TMC5: variants seen among roughly 807,000 people sequenced by gnomAD.
TMC5 encodes transmembrane channel-like protein 5.
In TMC5, 86 loss-of-function variants were observed where a neutral mutation model predicts 110.5. The observed-to-expected ratio is 0.78, with a 90% confidence interval of 0.65 to 0.93. The LOEUF is 0.93. Among genes scored for constraint, TMC5 ranks in the 40% least tolerant of loss-of-function variants. The pLI is 0.00. For missense variants in TMC5, 1,144 were observed against 1,222.8 expected, an observed-to-expected ratio of 0.94 and a Z score of 0.96; for synonymous variants, 455 against 439.5, an observed-to-expected ratio of 1.04 and a Z score of -0.44.
chr16:19,475,170 C>T (rs1372194257), intron 12 of TMC5, among the ~76,000 whole-genome samples: 1 of 152,100 alleles, frequency 6.6e-6, no homozygotes, highest in Admixed American at 6.5e-5. Context: ...GCCTGTAATC[C>T]CAGCACTTTG....
At chr16:19,490,869 T>TCTTCCTTC (rs554810973) in intron 18 of TMC5, among the ~76,000 whole-genome samples, 2 of 109,096 alleles carry the variant, frequency 1.8e-5, no homozygotes, top group East Asian at 2.5e-4. Flanking sequence ...CTTCATTTTT[T>TCTTCCTTC]CTTCCTTCCT....
intron 4 of TMC5, among the ~76,000 whole-genome samples, chr16:19,447,950 T>A (rs1242552852): frequency 6.6e-6 from 1 of 151,998 alleles, no homozygotes; most frequent in East Asian, 1.9e-4. Flanking sequence ...GGCTGGGAGT[T>A]GATTCCCAGG....
In TMC5 at chr16:19,487,459, T is replaced by C. The variant is rs1279962733; in HGVS notation, c.2573+133T>C. ...GCTCACGCCTGTGATCCCGGCACTA[T>C]GGGAGGCCAAGGCGGGTGGATCACT... On this transcript the variant is annotated intron_variant, in intron 17 of 21. Transcript: ENST00000542583. 9 of 1,230,412 alleles carry C rather than the reference T, an allele frequency of 7.3e-6. No homozygotes were observed. The Admixed American group carries it at 2.4e-4, about 32-fold the overall frequency. The allele number at this position is 1,230,412 out of a possible 1,614,324, so 76.2% of individuals were successfully genotyped here.
intron 15 of TMC5, among the ~76,000 whole-genome samples, chr16:19,483,532 A>G (rs1018193030): frequency 2.0e-5 from 3 of 152,098 alleles, no homozygotes; most frequent in Non-Finnish European, 2.9e-5. Flanking sequence ...TAATCCCAGC[A>G]CTTTGGGAGG....
Position 19,487,300 on chromosome 16 carries a change from G to C in TMC5, c.2547G>C (p.Leu849Phe), listed in dbSNP as rs1968769564. 1 of 1,613,902 alleles carries C rather than the reference G, an allele frequency of 6.2e-7. No individual in the cohort carries two copies. Among genetic ancestry groups the C allele is most frequent in the African/African-American group, 1.3e-5 (1 of 74,908 alleles). Residue 849 changes from leucine (L) to phenylalanine (F), a missense_variant, in exon 17 of 22, where the codon TTG becomes TTC. Coordinates refer to ENST00000542583, the MANE Select transcript of TMC5 (RefSeq NM_001261841.2). The part of the protein sequence containing the change: ...LLFFPSFTGV[L>F]CTLAITIWRL... ...TTTTCCCATCCTTCACCGGGGTCTT[G>C]TGCACCCTGGCCATCACCATCTGGA...
chr16:19,471,795 C>T (rs1488906891), intron 10 of TMC5, among the ~76,000 whole-genome samples: 1 of 152,036 alleles, frequency 6.6e-6, no homozygotes, highest in East Asian at 1.9e-4. Flanking sequence ...GAGTCTCACT[C>T]TGTCGCCCAG....
At chr16:19,474,347 A>T (rs924789682) in intron 12 of TMC5, 71 bp downstream of exon 12, 9 of 1,531,490 alleles carry the variant, frequency 5.9e-6, no homozygotes, top group Non-Finnish European at 7.1e-6. Flanking sequence ...GCTAGAAAGG[A>T]TTATGCTTTA....
At chr16:19,413,502 C>T (rs954701564), upstream of TMC5, among the ~76,000 whole-genome samples, 6 of 117,860 alleles carry the variant, frequency 5.1e-5, 1 homozygote, top group East Asian at 2.7e-4. Context: ...CCAGGCTAGG[C>T]GACATTGCCA....
At position 19,440,319 on chromosome 16, in the gene TMC5, C is replaced by A. The variant is rs765635364; in HGVS notation, c.281C>A (p.Ala94Asp). 1.2e-6 allele frequency: 2 copies of A among 1,614,014 alleles called. No individual in the cohort carries two copies. Among genetic ancestry groups the A allele is most frequent in the African/African-American group, 1.3e-5 (1 of 74,904 alleles). Residue 94 changes from alanine to aspartate, a missense_variant, in exon 3 of 22, where the codon GCC becomes GAC. Ala to Asp is a moderately radical substitution (Grantham distance 126). Coordinates refer to ENST00000542583, the MANE Select transcript of TMC5 (RefSeq NM_001261841.2). ...SGTRSNAYSA[A>D]SRTSPDHPTS... is the part of the protein sequence containing the mutation. The stretch of plus-strand genomic sequence containing the variant: ...ACCAGAAGCAATGCATACTCTGCAG[C>A]CTCTAGAACAAGCCCAGACCATCCT...
In TMC5 at chr16:19,440,414, C is replaced by A; in HGVS notation, c.376C>A (p.Pro126Thr). 1 of 1,614,098 alleles carries A rather than the reference C, an allele frequency of 6.2e-7. No homozygotes were observed. ...HPYHRASSRQ[P>T]DYPGSQRNPD... ...CTACCACCGAGCATCATCCAGACAA[C>A]CAGACTACCCTGGATCTCAACGAAA... The change falls in exon 3 of 22, where the codon CCA (proline) becomes ACA (threonine). Residue 126 changes from proline (P) to threonine (T), a missense_variant. Coordinates refer to ENST00000542583, the MANE Select transcript of TMC5 (RefSeq NM_001261841.2).
intron 2 of TMC5, among the ~76,000 whole-genome samples, chr16:19,431,014 A>G (rs1157797422): frequency 2.0e-5 from 3 of 152,076 alleles, no homozygotes; most frequent in Non-Finnish European, 4.4e-5. Flanking sequence ...ACGCGCCACA[A>G]CAAAAACAAT....
Position 19,481,414 on chromosome 16 carries a change from T to C in TMC5, c.2312T>C (p.Phe771Ser). ...QLITSLGLQE[F>S]DIARNVLELI... ...ATCACAAGTCTTGGCCTTCAGGAGTTTGACATTGCCAGGAACGTTCTAGAA... is the reference window on the plus strand; with the variant it reads ...ATCACAAGTCTTGGCCTTCAGGAGTCTGACATTGCCAGGAACGTTCTAGAA... The change falls in exon 15 of 22, where the codon TTT becomes TCT. Residue 771 changes from phenylalanine to serine, a missense_variant. Coordinates refer to ENST00000542583, the MANE Select transcript of TMC5 (RefSeq NM_001261841.2). The C allele has an allele frequency of 6.2e-7, 1 of 1,614,186 alleles. No homozygotes were observed. The highest frequency in any genetic ancestry group is 1.1e-5 in the South Asian group (1 of 91,088).
At position 19,487,293 on chromosome 16, in the gene TMC5, G is replaced by A. The variant is rs1357610932; in HGVS notation, c.2540G>A (p.Gly847Glu). 1 of 1,614,156 alleles carries A rather than the reference G, an allele frequency of 6.2e-7. No individual in the cohort carries two copies. Residue 847 changes from glycine (G) to glutamate (E), a missense_variant, in exon 17 of 22, where the codon GGG becomes GAG. Gly to Glu is a moderately conservative substitution (Grantham distance 98). Transcript: ENST00000542583. The part of the protein sequence containing the change: ...IFLLFFPSFT[G>E]VLCTLAITIW... ...TTGCTCTTTTTCCCATCCTTCACCG[G>A]GGTCTTGTGCACCCTGGCCATCACC...
chr16:19,494,692 A>T (rs1313521133), intron 20 of TMC5, among the ~76,000 whole-genome samples: 1 of 152,128 alleles, frequency 6.6e-6, no homozygotes, highest in East Asian at 1.9e-4. Flanking sequence ...CTGTAGCCCC[A>T]GCTACTTGGG....
chr16:19,438,874 G>A (rs535653528), intron 2 of TMC5, among the ~76,000 whole-genome samples: 23 of 152,356 alleles, frequency 1.5e-4, no homozygotes, highest in African/African-American at 5.5e-4. Context: ...ATTTGCTAAT[G>A]GGACAGCCTC....
At chr16:19,464,943 C>T (rs1968121156) in intron 8 of TMC5, among the ~76,000 whole-genome samples, 1 of 150,526 alleles carries the variant, frequency 6.6e-6, no homozygotes, top group African/African-American at 2.4e-5. Flanking sequence ...TAAAAATAAA[C>T]AGAGGATAGG....
chr16:19,459,918 A>AG (rs34243164), intron 5 of TMC5, among the ~76,000 whole-genome samples: 2 of 9,848 alleles, frequency 2.0e-4, no homozygotes, highest in African/African-American at 3.9e-4. Flanking sequence ...ATCCTGTCTC[A>AG]AAAAAAAAAA....
intron 4 of TMC5, among the ~76,000 whole-genome samples, chr16:19,449,004 G>A (rs1202509845): frequency 6.7e-5 from 10 of 150,270 alleles, no homozygotes; most frequent in Admixed American, 2.0e-4. Flanking sequence ...GACTACAGGC[G>A]CCCGCCACTA....
At position 19,485,455 on chromosome 16, in the gene TMC5, C is replaced by T. The variant is rs1478840377; in HGVS notation, c.2364-1490C>T. On this transcript the variant is annotated intron_variant, in intron 15 of 21. Coordinates refer to ENST00000542583, the MANE Select transcript of TMC5 (RefSeq NM_001261841.2). Reference sequence around the variant, plus strand: ...AAAACGTCAGGTGCCTGCCACCACGCCCAGCTAATTTTTGTATTTTTAGTA... The same window carrying T: ...AAAACGTCAGGTGCCTGCCACCACGTCCAGCTAATTTTTGTATTTTTAGTA... Among the ~76,000 whole-genome samples the T allele has an allele frequency of 2.6e-5, 4 of 152,108 alleles. No homozygotes were observed. In the East Asian group the frequency reaches 7.7e-4, roughly 29 times the overall value.
Sources: allele counts gnomAD v4.1 joint callset (sites outside exome capture counted in the v4.1 genomes callset), GRCh38; gene constraint gnomAD v4.1.1; transcripts MANE v1.5; gene names NCBI Gene and HGNC (gene_info 2026-07-23, HGNC 2026-07-21).